Variants in AGBL2 observed in about 807,000 individuals in gnomAD.
AGBL2 encodes the protein AGBL carboxypeptidase 2.
AGBL2 carries 87 observed loss-of-function variants against 103.0 expected under a neutral mutation model. The observed-to-expected ratio is 0.84, with a 90% CI of 0.71 to 1.01. AGBL2 has a LOEUF of 1.01. Ranked by LOEUF, AGBL2 falls within the 50% of genes least tolerant of loss-of-function variation. The pLI is 0.00. For missense variants in AGBL2, 904 were observed against 1,023.5 expected (o/e 0.88, Z 1.59); for synonymous variants, 335 against 356.7 (o/e 0.94, Z 0.69).
At chr11:47,662,999 G>T in intron 18 of AGBL2, 27 bp downstream of exon 18, 1 of 1,490,644 alleles carries the variant, frequency 6.7e-7, no homozygotes, top group Non-Finnish European at 9.3e-7. Context: ...TGGCATATAA[G>T]TATATACAGT....
At chr11:47,671,190 G>C (rs945220679) in intron 14 of AGBL2, among the ~76,000 whole-genome samples, 1 of 152,024 alleles carries the variant, frequency 6.6e-6, no homozygotes, top group Admixed American at 6.6e-5. Flanking sequence ...ACCAAGAGCT[G>C]TTCTCTATGA....
At chr11:47,679,947 C>T (rs1598954707) in intron 13 of AGBL2, 26 bp downstream of exon 13, 1 of 1,462,930 alleles carries the variant, frequency 6.8e-7, no homozygotes, top group Non-Finnish European at 9.6e-7. Context: ...TGGCCTTCAT[C>T]ACATTTCTTG....
At chr11:47,661,759 CT>C (rs1250349053) in intron 18 of AGBL2, among the ~76,000 whole-genome samples, 359 of 145,736 alleles carry the variant, frequency 2.5e-3, no homozygotes, top group African/African-American at 3.8e-3. Context: ...GTTTTGCCAC[CT>C]TTTTTTTTTT....
rs898088690 is a variant in AGBL2, at chr11:47,710,795, A to G, written c.98-284T>C. On this transcript the variant is annotated intron_variant, in intron 3 of 18. Transcript: ENST00000525123. ...TGGCAGGCAGAAAGATTCTGAAGCT[A>G]CAAGGGCTGTGTTGGAACTCAGAAA... 4.3e-5 allele frequency: 22 copies of G among 507,450 alleles called. No individual in the cohort carries two copies. The East Asian group carries it at 5.9e-4, about 14-fold the overall frequency. 31.4% of individuals were successfully genotyped at this position (507,450 alleles called of 1,614,324 possible).
rs777214376 is a variant in AGBL2, at chr11:47,705,922, A to T, written c.233-5T>A. 3.4e-5 allele frequency: 55 copies of T among 1,613,834 alleles called. No individual in the cohort carries two copies. The highest frequency in any genetic ancestry group is 4.7e-5 in the Non-Finnish European group (55 of 1,179,884). ...CTGAAGATAAACTGATAGGCCCTAG[A>T]AAGAGGAAGAGGAGGCACCCTTGGT... On this transcript the variant is annotated splice_polypyrimidine_tract_variant and splice_region_variant and intron_variant, in intron 4 of 18. Transcript: ENST00000525123.
At position 47,699,448 on chromosome 11, in the gene AGBL2, G is replaced by A; in HGVS notation, c.692C>T (p.Ser231Leu). ...ATTGTTCAGTGTAATGACAATACCT[G>A]AATCTAATTGATAGACAACTGTTCC... ...KKGTVVYQLD[S>L]VPIEGSYFTS... is the part of the protein sequence containing the mutation. Residue 231 changes from serine to leucine, a missense_variant and splice_region_variant, in exon 8 of 19, where the codon TCA (serine) becomes TTA (leucine). Coordinates refer to ENST00000525123, the MANE Select transcript of AGBL2 (RefSeq NM_024783.4). 1 of 1,500,224 alleles carries A rather than the reference G, an allele frequency of 6.7e-7. No homozygotes were observed. The highest frequency in any genetic ancestry group is 9.2e-7 in the Non-Finnish European group (1 of 1,082,636). 92.9% of individuals were successfully genotyped at this position (1,500,224 alleles called of 1,614,324 possible).
intron 11 of AGBL2, among the ~76,000 whole-genome samples, chr11:47,684,528 C>A (rs1480368873): frequency 1.3e-5 from 2 of 150,360 alleles, no homozygotes; most frequent in African/African-American, 4.9e-5. Flanking sequence ...TGCACTCCAT[C>A]CTGGGCGACA....
chr11:47,669,391 T>TG (rs2153802832), intron 14 of AGBL2, among the ~76,000 whole-genome samples: 1 of 152,276 alleles, frequency 6.6e-6, no homozygotes, highest in East Asian at 1.9e-4. Context: ...TCTTGACAGC[T>TG]GGGTGCGGTG....
chr11:47,681,644 G>A (rs1022769676), intron 12 of AGBL2, among the ~76,000 whole-genome samples: 1 of 152,148 alleles, frequency 6.6e-6, no homozygotes, highest in Non-Finnish European at 1.5e-5. Flanking sequence ...ATTTTTAGTA[G>A]AGATGGGGTT....
Position 47,667,048 on chromosome 11 carries a change from C to G in AGBL2, c.2356G>C (p.Ala786Pro). Reference protein sequence around the residue: ...TEDTSEKAGFASTLQKQPTFF... With the variant: ...TEDTSEKAGFPSTLQKQPTFF... ...GTTGGCTGCTTTTGCAGAGTAGAAGCAAATCCTGCCTTTTCCTAGGATTGA... is the reference window on the plus strand; with the variant it reads ...GTTGGCTGCTTTTGCAGAGTAGAAGGAAATCCTGCCTTTTCCTAGGATTGA... The change falls in exon 17 of 19, where the codon GCT becomes CCT. Residue 786 changes from alanine (A) to proline (P), a missense_variant. By Grantham distance (27) the Ala-to-Pro change is conservative. Transcript: ENST00000525123. 6.2e-7 allele frequency: 1 copy of G among 1,603,772 alleles called. No individual in the cohort carries two copies. Among genetic ancestry groups the G allele is most frequent in the African/African-American group, 1.3e-5 (1 of 74,234 alleles).
intron 4 of AGBL2, among the ~76,000 whole-genome samples, chr11:47,706,384 C>T (rs2153805308): frequency 6.6e-6 from 1 of 152,126 alleles, no homozygotes; most frequent in South Asian, 2.1e-4. Context: ...GGCGTGGTGG[C>T]AGGCGCCTGT....
chr11:47,677,906 A>C (rs1354633357), intron 13 of AGBL2, among the ~76,000 whole-genome samples: 1 of 152,152 alleles, frequency 6.6e-6, no homozygotes, highest in Non-Finnish European at 1.5e-5. Context: ...AAATTTTTTT[A>C]GGGCAGAACA....
intron 1 of AGBL2, 143 bp downstream of exon 1, chr11:47,715,032 C>T (rs1264430304): frequency 1.4e-5 from 3 of 212,170 alleles, no homozygotes; most frequent in African/African-American, 7.0e-5. Flanking sequence ...GAAGTCGTCT[C>T]GGTAGGTGCC....
Position 47,699,440 on chromosome 11 carries a change from C to A in AGBL2, c.694+6G>T, listed in dbSNP as rs987036248. 4.2e-6 allele frequency: 6 copies of A among 1,417,828 alleles called. No individual in the cohort carries two copies. The highest frequency in any genetic ancestry group is 5.9e-6 in the Non-Finnish European group (6 of 1,010,012). The allele number at this position is 1,417,828 out of a possible 1,614,324, so 87.8% of individuals were successfully genotyped here. A position where few individuals can be genotyped will look rare whatever the true frequency, so the allele number is the denominator to read the frequency against. ...AACCATTCATTGTTCAGTGTAATGA[C>A]AATACCTGAATCTAATTGATAGACA... On this transcript the variant is annotated splice_donor_region_variant and intron_variant, in intron 8 of 18. Coordinates refer to ENST00000525123, the MANE Select transcript of AGBL2 (RefSeq NM_024783.4).
At chr11:47,691,447 C>T (rs56096002) in intron 9 of AGBL2, among the ~76,000 whole-genome samples, 3 of 148,180 alleles carry the variant, frequency 2.0e-5, no homozygotes, top group African/African-American at 7.5e-5. Context: ...GTGGCTCATG[C>T]CTGTAATCCC....
At chr11:47,695,937 G>C (rs1432686281) in intron 8 of AGBL2, among the ~76,000 whole-genome samples, 2 of 148,312 alleles carry the variant, frequency 1.3e-5, no homozygotes, top group African/African-American at 5.0e-5. Flanking sequence ...GGCGGAGGCA[G>C]GTGGATCACT....
At chr11:47,674,562 G>A (rs1351776141) in intron 14 of AGBL2, among the ~76,000 whole-genome samples, 24 of 26,028 alleles carry the variant, frequency 9.2e-4, no homozygotes, top group Admixed American at 3.8e-3. Flanking sequence ...GCGAGACTCC[G>A]TCTCAAAAAA....
intron 12 of AGBL2, among the ~76,000 whole-genome samples, chr11:47,681,591 C>T (rs2097401408): frequency 6.6e-6 from 1 of 152,162 alleles, no homozygotes; most frequent in Non-Finnish European, 1.5e-5. Flanking sequence ...CCTCAACCTC[C>T]AGAGTAGCTG....
chr11:47,694,714 G>C (rs768441217), intron 8 of AGBL2, among the ~76,000 whole-genome samples: 2 of 152,104 alleles, frequency 1.3e-5, no homozygotes, highest in Non-Finnish European at 2.9e-5. Context: ...AAAGAGTCAC[G>C]ACCAGTTTGA....
Sources: gnomAD v4.1 joint callset for allele counts (sites outside exome capture counted in the v4.1 genomes callset) on GRCh38, gnomAD v4.1.1 for gene constraint, MANE v1.5 for transcripts, NCBI Gene and HGNC (gene_info 2026-07-23, HGNC 2026-07-21) for gene names.